The following NRXN3 variants were observed in gnomAD, a reference collection of about 807,000 sequenced individuals.
The protein encoded by NRXN3 is neurexin III.
Under a neutral mutation model 137.6 loss-of-function variants are expected in NRXN3, and 32 were observed. That is an observed-to-expected ratio of 0.23 (90% confidence interval 0.18 to 0.31). The LOEUF is 0.31. NRXN3 is among the 10% of genes least tolerant of loss of function. The pLI, the probability that NRXN3 is intolerant of heterozygous loss-of-function variation, is 1.00. For missense variants in NRXN3, 1,574 were observed against 2,062.5 expected (o/e 0.76, Z 4.59); for synonymous variants, 798 against 784.5 (o/e 1.02, Z -0.29).
intron 10 of NRXN3, among the ~76,000 whole-genome samples, chr14:78,883,550 C>A (rs971340031): frequency 1.3e-5 from 2 of 152,186 alleles, no homozygotes; most frequent in East Asian, 1.9e-4. Flanking sequence ...TGTCAGATTA[C>A]TTCTAATATC....
At chr14:79,353,052 C>T (rs1005676265) in intron 15 of NRXN3, among the ~76,000 whole-genome samples, 1 of 152,004 alleles carries the variant, frequency 6.6e-6, no homozygotes, top group African/African-American at 2.4e-5. Flanking sequence ...AAACATTTAA[C>T]AATGTTGTTT....
At chr14:79,576,241 T>C (rs1285640591) in intron 16 of NRXN3, among the ~76,000 whole-genome samples, 2 of 152,196 alleles carry the variant, frequency 1.3e-5, no homozygotes, top group Non-Finnish European at 1.5e-5. Context: ...CAGTGGTGTG[T>C]AAATATATAT....
At chr14:79,683,076 A>G (rs182406932) in intron 17 of NRXN3, among the ~76,000 whole-genome samples, 1 of 152,278 alleles carries the variant, frequency 6.6e-6, no homozygotes, top group African/African-American at 2.4e-5. Flanking sequence ...TAGATGAATA[A>G]CATTAGAAGT....
intron 16 of NRXN3, among the ~76,000 whole-genome samples, chr14:79,511,752 G>A (rs566164925): frequency 1.2e-3 from 183 of 152,222 alleles, no homozygotes; most frequent in Non-Finnish European, 1.8e-3. Context: ...TGTTTTCTCT[G>A]ATTTCAGACC....
At chr14:79,230,451 T>C (rs1337892449) in intron 15 of NRXN3, among the ~76,000 whole-genome samples, 1 of 152,144 alleles carries the variant, frequency 6.6e-6, no homozygotes, top group African/African-American at 2.4e-5. Context: ...CAATAGTCAT[T>C]ATGTTTACTA....
chr14:78,633,576 T>A (rs1413419233), intron 4 of NRXN3, among the ~76,000 whole-genome samples: 1 of 152,194 alleles, frequency 6.6e-6, no homozygotes, highest in Non-Finnish European at 1.5e-5. Context: ...GCAGTTTTAA[T>A]TTTTATTAGT....
At chr14:79,073,970 A>G (rs2099691804) in intron 15 of NRXN3, among the ~76,000 whole-genome samples, 1 of 152,236 alleles carries the variant, frequency 6.6e-6, no homozygotes, top group African/African-American at 2.4e-5. Context: ...TAACACACGT[A>G]GAAAAGTACC....
chr14:79,046,706 A>C (rs980607295), intron 15 of NRXN3, among the ~76,000 whole-genome samples: 3 of 152,200 alleles, frequency 2.0e-5, no homozygotes, highest in Admixed American at 1.3e-4. Context: ...AAGGTTAAAT[A>C]TCCTCCTCTA....
chr14:79,113,005 A>G (rs775148621), intron 15 of NRXN3, among the ~76,000 whole-genome samples: 10 of 152,226 alleles, frequency 6.6e-5, no homozygotes, highest in Non-Finnish European at 8.8e-5. Flanking sequence ...AGTTGTTCAC[A>G]GTAGACCGAC....
At chr14:79,750,218 A>G (rs1202113281) in intron 19 of NRXN3, among the ~76,000 whole-genome samples, 2 of 152,152 alleles carry the variant, frequency 1.3e-5, no homozygotes, top group Non-Finnish European at 2.9e-5. Context: ...AGCCTAGTTG[A>G]AGGAAAGCCT....
chr14:79,119,214 G>T (rs565739412), intron 15 of NRXN3, among the ~76,000 whole-genome samples: 150 of 151,990 alleles, frequency 9.9e-4, no homozygotes, highest in African/African-American at 3.5e-3. Flanking sequence ...TTATGAGTTT[G>T]GTTCATTTTA....
chr14:79,384,060 T>A (rs975958326), intron 15 of NRXN3, among the ~76,000 whole-genome samples: 2 of 152,154 alleles, frequency 1.3e-5, no homozygotes, highest in African/African-American at 4.8e-5. Flanking sequence ...GGCAAATGTT[T>A]CTTAGAGGTT....
intron 4 of NRXN3, among the ~76,000 whole-genome samples, chr14:78,630,668 G>T (rs1330829644): frequency 1.3e-5 from 2 of 149,802 alleles, no homozygotes; most frequent in Non-Finnish European, 3.0e-5. Context: ...GCAGTGGCGC[G>T]ATCTTGGCTC....
At chr14:78,296,129 G>C (rs945186132) in intron 3 of NRXN3, among the ~76,000 whole-genome samples, 6 of 147,156 alleles carry the variant, frequency 4.1e-5, no homozygotes, top group African/African-American at 1.5e-4. Context: ...TGCGATCATA[G>C]CTCATTGTAG....
chr14:78,911,919 C>T, intron 10 of NRXN3, among the ~76,000 whole-genome samples: 1 of 148,416 alleles, frequency 6.7e-6, no homozygotes, highest in East Asian at 2.4e-4. Flanking sequence ...TCCTTATGTA[C>T]AGGTTTTTTT....
At chr14:79,069,936 A>G (rs2099685469) in intron 15 of NRXN3, among the ~76,000 whole-genome samples, 1 of 146,980 alleles carries the variant, frequency 6.8e-6, no homozygotes. Context: ...CAATATGATA[A>G]TTTGTAAGTG....
chr14:78,918,311 A>G (rs1597375828), intron 10 of NRXN3, among the ~76,000 whole-genome samples: 2 of 144,964 alleles, frequency 1.4e-5, no homozygotes, highest in South Asian at 4.5e-4. Flanking sequence ...AAAAAAAGAG[A>G]GAGAGAGAGA....
At chr14:78,943,680 C>T (rs774712144) in intron 10 of NRXN3, among the ~76,000 whole-genome samples, 1 of 70,168 alleles carries the variant, frequency 1.4e-5, no homozygotes, top group Non-Finnish European at 2.9e-5. Context: ...ATATATATAT[C>T]TCAAAGAATC....
intron 8 of NRXN3, among the ~76,000 whole-genome samples, chr14:78,734,242 CACACACACACA>C (rs1567176395): frequency 1.3e-5 from 2 of 151,358 alleles, no homozygotes; most frequent in East Asian, 1.9e-4. Context: ...CACACACACA[CACACACACACA>C]CCCTTTTCAT....
Sources: allele counts gnomAD v4.1 joint callset (sites outside exome capture counted in the v4.1 genomes callset), GRCh38; gene constraint gnomAD v4.1.1; transcripts MANE v1.5; gene names NCBI Gene and HGNC (gene_info 2026-07-23, HGNC 2026-07-21).